PCDH9: variants seen among roughly 807,000 people sequenced by gnomAD.
PCDH9 encodes the protein protocadherin 9, also known as protocadherin-9.
A neutral mutation model predicts 70.6 loss-of-function variants in PCDH9; 24 were observed. That is an observed-to-expected ratio of 0.34 (90% CI 0.25 to 0.48). PCDH9 has a LOEUF of 0.48. Among genes scored for constraint, PCDH9 ranks in the 20% least tolerant of loss-of-function variants. The probability of loss-of-function intolerance (pLI) is 0.99; values close to 1 mark genes in which losing one functional copy is unlikely to be tolerated. For synonymous variants in PCDH9, 562 were observed against 558.5 expected, an observed-to-expected ratio of 1.01 and a Z score of -0.09; for missense variants, 1,281 against 1,503.6, an observed-to-expected ratio of 0.85 and a Z score of 2.45.
At chr13:66,758,502 G>A (rs940321959) in intron 3 of PCDH9, among the ~76,000 whole-genome samples, 8 of 151,926 alleles carry the variant, frequency 5.3e-5, no homozygotes, top group Admixed American at 2.0e-4. Flanking sequence ...TATACACTGT[G>A]TAATGAATAG....
At chr13:67,120,254 C>A (rs374615042) in intron 2 of PCDH9, among the ~76,000 whole-genome samples, 3 of 150,862 alleles carry the variant, frequency 2.0e-5, no homozygotes, top group Non-Finnish European at 4.4e-5. Flanking sequence ...GCTGATACAT[C>A]CAGAAAAGTC....
At chr13:67,097,712 G>C (rs892854168) in intron 2 of PCDH9, among the ~76,000 whole-genome samples, 3 of 151,956 alleles carry the variant, frequency 2.0e-5, no homozygotes, top group African/African-American at 7.2e-5. Flanking sequence ...CTACACTAAA[G>C]AAAATTTATG....
intron 3 of PCDH9, among the ~76,000 whole-genome samples, chr13:66,738,814 A>G (rs577092813): frequency 6.6e-6 from 1 of 152,118 alleles, no homozygotes; most frequent in Non-Finnish European, 1.5e-5. Flanking sequence ...AGAAATGAGC[A>G]AAGCCTCCAA....
In PCDH9 at chr13:67,226,404, C is replaced by A; in HGVS notation, c.2037G>T (p.Pro679=). The A allele has an allele frequency of 6.2e-7, 1 of 1,614,098 alleles. No homozygotes were observed. Among genetic ancestry groups the A allele is most frequent in the Non-Finnish European group, 8.5e-7 (1 of 1,180,002 alleles). Reference sequence around the variant, plus strand: ...GCACCAACTTAAAGGAAGTATTAGACGGTGGAGAAATGACAACTGGGCTGT... The same window carrying A: ...GCACCAACTTAAAGGAAGTATTAGAAGGTGGAGAAATGACAACTGGGCTGT... ...NDNSPVVISP[P]SNTSFKLVPL... The change falls in exon 2 of 5, where the codon CCG becomes CCT. Residue 679 remains proline, a synonymous_variant. Coordinates refer to ENST00000377865, the MANE Select transcript of PCDH9 (RefSeq NM_203487.3). This position sits in a 1 kb window ranked among gnomAD's most constrained non-coding sequence, Gnocchi z 5.0.
At chr13:66,921,908 T>G (rs1157585875) in intron 2 of PCDH9, among the ~76,000 whole-genome samples, 1 of 151,308 alleles carries the variant, frequency 6.6e-6, no homozygotes, top group Admixed American at 6.6e-5. Context: ...TGATTTCACA[T>G]AGCTAATCAA....
chr13:67,061,773 T>C (rs2085543830), intron 2 of PCDH9, among the ~76,000 whole-genome samples: 1 of 152,154 alleles, frequency 6.6e-6, no homozygotes, highest in South Asian at 2.1e-4. Context: ...AAAAACAACC[T>C]TCCTACTGTT....
At chr13:67,035,551 AATAT>A (rs1160776036) in intron 2 of PCDH9, among the ~76,000 whole-genome samples, 3 of 149,682 alleles carry the variant, frequency 2.0e-5, no homozygotes, top group Admixed American at 1.3e-4. Context: ...TAAAGAAATA[AATAT>A]ATAATTATAT....
intron 3 of PCDH9, among the ~76,000 whole-genome samples, chr13:66,655,095 A>G (rs554192718): frequency 6.6e-6 from 1 of 152,146 alleles, no homozygotes; most frequent in South Asian, 2.1e-4. Context: ...AGTTTTCCTG[A>G]AGGCCTTTCA....
chr13:66,764,386 T>C (rs1162575855), intron 3 of PCDH9, among the ~76,000 whole-genome samples: 1 of 152,030 alleles, frequency 6.6e-6, no homozygotes, highest in African/African-American at 2.4e-5. Flanking sequence ...AGGAGTCAAC[T>C]TCAATTCCTT....
intron 3 of PCDH9, chr13:66,825,333 A>AAT (rs2080800948): frequency 9.4e-5 from 6 of 63,536 alleles, no homozygotes; most frequent in South Asian, 6.4e-4. Flanking sequence ...TGTTATAAAA[A>AAT]CTTTTTTTTT....
chr13:67,072,731 A>T (rs1034084992), intron 2 of PCDH9, among the ~76,000 whole-genome samples: 3 of 2,266 alleles, frequency 1.3e-3, no homozygotes, highest in Non-Finnish European at 2.2e-3. Flanking sequence ...AATATACTTA[A>T]AAAAAAATAG....
rs1158291293 is a variant in PCDH9 at position 66,934,708 on chromosome 13, CTTTTTTTTT to C, written c.3037-31112_3037-31104del. 3.4e-4 allele frequency among the ~76,000 whole-genome samples: 16 copies of C among 47,332 alleles called. No homozygotes were observed. In the South Asian group the frequency reaches 0.011, roughly 31 times the overall value. The allele number at this position is 47,332 out of a possible 152,430, so 31.1% of individuals were successfully genotyped here. A position where few individuals can be genotyped will look rare whatever the true frequency, so the allele number is the denominator to read the frequency against. ...ATTGTATTCAATTTCCATGTGTTTG[CTTTTTTTTT>C]TTTTTTTTTTTTTTTTTTTTTGAGA... On this transcript the variant is annotated intron_variant, in intron 2 of 4. Coordinates refer to ENST00000377865, the MANE Select transcript of PCDH9 (RefSeq NM_203487.3).
intron 4 of PCDH9, among the ~76,000 whole-genome samples, chr13:66,351,228 G>C (rs1956286850): frequency 6.6e-6 from 1 of 151,970 alleles, no homozygotes; most frequent in Non-Finnish European, 1.5e-5. Flanking sequence ...GATGAGCCCA[G>C]CCTGGCTAGG....
intron 4 of PCDH9, among the ~76,000 whole-genome samples, chr13:66,453,757 G>A (rs1218183660): frequency 3.9e-5 from 6 of 151,976 alleles, no homozygotes; most frequent in African/African-American, 1.5e-4. Context: ...GACATCAATG[G>A]ATTCTACACT....
intron 2 of PCDH9, among the ~76,000 whole-genome samples, chr13:66,984,080 T>C (rs2083837516): frequency 6.6e-6 from 1 of 152,104 alleles, no homozygotes; most frequent in Non-Finnish European, 1.5e-5. Context: ...TTATTCATAT[T>C]ATATAAATAT....
chr13:67,000,536 A>T (rs977944753), intron 2 of PCDH9, among the ~76,000 whole-genome samples: 22 of 151,984 alleles, frequency 1.4e-4, no homozygotes, highest in African/African-American at 5.3e-4. Context: ...AAAACTACTA[A>T]ACAAATCCAA....
At chr13:67,143,137 A>G (rs985791689) in intron 2 of PCDH9, among the ~76,000 whole-genome samples, 5 of 152,200 alleles carry the variant, frequency 3.3e-5, no homozygotes, top group African/African-American at 1.2e-4. Context: ...CTTTCTCCTA[A>G]TGTATATTAA....
intron 2 of PCDH9, among the ~76,000 whole-genome samples, chr13:67,137,702 C>T (rs1429601276): frequency 1.3e-5 from 2 of 151,990 alleles, no homozygotes; most frequent in Non-Finnish European, 2.9e-5. Context: ...TACTAATGTC[C>T]TATTTATATA....
intron 2 of PCDH9, among the ~76,000 whole-genome samples, chr13:66,912,588 G>C (rs1238857666): frequency 6.6e-6 from 1 of 151,868 alleles, no homozygotes; most frequent in East Asian, 1.9e-4. Flanking sequence ...TCTTGTTCAT[G>C]TAAGTGATTG....
Sources: allele counts gnomAD v4.1 joint callset (sites outside exome capture counted in the v4.1 genomes callset), GRCh38; gene constraint gnomAD v4.1.1; non-coding constraint Gnocchi (gnomAD v3.1); transcripts MANE v1.5; gene names NCBI Gene and HGNC (gene_info 2026-07-23, HGNC 2026-07-21).